CIITA: variants seen among roughly 807,000 people sequenced by gnomAD.
CIITA encodes the protein class II major histocompatibility complex transactivator.
In CIITA, 72 loss-of-function variants were observed where a neutral mutation model predicts 115.1. The observed-to-expected ratio is 0.63, with a 90% confidence interval of 0.52 to 0.76. The LOEUF (loss-of-function observed/expected upper bound fraction) is 0.76. CIITA is among the 30% of genes least tolerant of loss of function. The pLI is 0.00. For synonymous variants in CIITA, 763 were observed against 635.6 expected (o/e 1.20, Z -3.02); for missense variants, 1,617 against 1,463.8 (o/e 1.10, Z -1.71).
At chr16:10,877,991 G>C (rs912511447) in intron 1 of CIITA, among the ~76,000 whole-genome samples, 1 of 152,200 alleles carries the variant, frequency 6.6e-6, no homozygotes, top group South Asian at 2.1e-4. Flanking sequence ...TGGCTGGGAA[G>C]GGTGTGCCCC....
Position 10,906,954 on chromosome 16 carries a change from T to C in CIITA, c.1462T>C (p.Leu488=). ...VAADEVFSHI[L]KRPDRVLLIL... ...GGCCGATGAGGTTTTCAGCCACATC[T>C]TGAAGAGACCTGACCGCGTTCTGCT... The change falls in exon 11 of 20, where the codon TTG becomes CTG. Residue 488 remains leucine (L), a synonymous_variant. Coordinates refer to ENST00000324288, the MANE Select transcript of CIITA (RefSeq NM_000246.4). 6.2e-7 allele frequency: 1 copy of C among 1,612,890 alleles called. No homozygotes were observed. The highest frequency in any genetic ancestry group is 8.5e-7 in the Non-Finnish European group (1 of 1,179,926).
intron 5 of CIITA, 70 bp downstream of exon 5, chr16:10,899,072 G>A (rs1000992969): frequency 1.3e-6 from 2 of 1,481,836 alleles, no homozygotes; most frequent in Non-Finnish European, 1.9e-6. Flanking sequence ...TCCAAAGCCT[G>A]CTGTGGGTCC....
upstream of CIITA, among the ~76,000 whole-genome samples, chr16:10,872,786 G>C (rs2035575723): frequency 6.6e-6 from 1 of 152,106 alleles, no homozygotes; most frequent in African/African-American, 2.4e-5. Context: ...TTTAGCACCT[G>C]CTAGAAATTA....
rs1037813429 is a variant in CIITA, at chr16:10,879,718, T to C, written c.52+2336T>C. On this transcript the variant is annotated intron_variant, in intron 1 of 19. Transcript: ENST00000324288. This position sits in a 1 kb window ranked among gnomAD's most constrained non-coding sequence, Gnocchi z 4.3. Reference sequence around the variant, plus strand: ...CGCTTTGGGGCCCTGAGTCACACCCTCTAAGGAGAGAGGCTAAAGCGCCCC... The same window carrying C: ...CGCTTTGGGGCCCTGAGTCACACCCCCTAAGGAGAGAGGCTAAAGCGCCCC... 1.3e-5 allele frequency among the ~76,000 whole-genome samples: 2 copies of C among 152,146 alleles called. No homozygotes were observed. Among genetic ancestry groups the C allele is most frequent in the Admixed American group, 6.5e-5 (1 of 15,286 alleles).
rs537418260 is a variant in CIITA, at chr16:10,879,964, G to C, written c.52+2582G>C. Among the ~76,000 whole-genome samples the C allele has an allele frequency of 6.6e-6, 1 of 152,318 alleles. No individual in the cohort carries two copies. Among genetic ancestry groups the C allele is most frequent in the East Asian group, 1.9e-4 (1 of 5,180 alleles). On this transcript the variant is annotated intron_variant, in intron 1 of 19. Transcript: ENST00000324288. This position sits in a 1 kb window ranked among gnomAD's most constrained non-coding sequence, Gnocchi z 4.3. ...GCTCCCTCCCCAGCCGCAGCCTGGA[G>C]TGTCTAACTTTGGCAGGAAGTCTTC... is the stretch of plus-strand genomic sequence containing the variant.
chr16:10,912,393 T>C (rs6498128), intron 13 of CIITA, among the ~76,000 whole-genome samples: 150,593 of 152,346 alleles, frequency 0.99, 74,455 homozygotes, highest in East Asian at 1. Context: ...GGATTACAGG[T>C]GTAAGCCACC....
At chr16:10,918,340 G>C in intron 15 of CIITA, 100 bp from the exon 16 acceptor site, 2 of 1,061,900 alleles carry the variant, frequency 1.9e-6, no homozygotes, top group Non-Finnish European at 3.0e-6. Context: ...TAAGTCTGTC[G>C]ACAGCGCCAT....
intron 8 of CIITA, among the ~76,000 whole-genome samples, chr16:10,903,390 A>G (rs1290908798): frequency 2.0e-5 from 3 of 152,206 alleles, no homozygotes; most frequent in Admixed American, 6.5e-5. Flanking sequence ...CAGTTTCAGT[A>G]TAACGCACTG....
rs556369319 is a variant in CIITA at position 10,903,805 on chromosome 16, C to A, written c.847C>A (p.Arg283=). The A allele has an allele frequency of 2.5e-6, 4 of 1,614,206 alleles. No individual in the cohort carries two copies. The highest frequency in any genetic ancestry group is 1.3e-5 in the African/African-American group (1 of 75,034). Residue 283 remains arginine, a synonymous_variant, in exon 9 of 20, where the codon CGG becomes AGG. Coordinates refer to ENST00000324288, the MANE Select transcript of CIITA (RefSeq NM_000246.4). ...TVHGLPTSPD[R]PGSTSPFAPS... ...CCACGGCCTCCCAACATCTCCAGAC[C>A]GGCCAGGCTCCACCAGCCCCTTCGC...
rs1381528433 is a variant in CIITA, at chr16:10,895,443, C to T, written c.199+15C>T. On this transcript the variant is annotated intron_variant, in intron 2 of 19. Transcript: ENST00000324288. Reference sequence around the variant, plus strand: ...GCTCTACTCAGGTGGGCCCTCCTCCCTCTGGTCTCTTCCGGTATCCCCCAC... The same window carrying T: ...GCTCTACTCAGGTGGGCCCTCCTCCTTCTGGTCTCTTCCGGTATCCCCCAC... 1.2e-6 allele frequency: 2 copies of T among 1,612,760 alleles called. No homozygotes were observed. The highest frequency in any genetic ancestry group is 1.7e-6 in the Non-Finnish European group (2 of 1,179,972).
chr16:10,906,352 C>G lies in CIITA; in HGVS notation c.1007-147C>G, dbSNP rs907305048. 4 of 1,025,976 alleles carry G rather than the reference C, an allele frequency of 3.9e-6. No individual in the cohort carries two copies. The East Asian group carries it at 1.0e-4, about 27-fold the overall frequency. 63.6% of individuals were successfully genotyped at this position (1,025,976 alleles called of 1,614,324 possible). On this transcript the variant is annotated intron_variant, in intron 10 of 19. Coordinates refer to ENST00000324288, the MANE Select transcript of CIITA (RefSeq NM_000246.4). ...TCCAGCCTGGGCAAAAAAGCCAGAC[C>G]CTGTCTCAAAACAAAACAAAACAAA...
chr16:10,924,212 C>T lies in CIITA; in HGVS notation c.*357C>T, dbSNP rs2040430521. ...GCAGCCCCATTCTGCCTGCCCAGGC[C>T]CCTGCCACCCTGGGGAGAAAGTACT... On this transcript the variant is annotated 3_prime_UTR_variant, in exon 20 of 20. Coordinates refer to ENST00000324288, the MANE Select transcript of CIITA (RefSeq NM_000246.4). 1 of 152,412 alleles carries T rather than the reference C, an allele frequency of 6.6e-6. No homozygotes were observed. Among genetic ancestry groups the T allele is most frequent in the South Asian group, 2.1e-4 (1 of 4,832 alleles). The allele number at this position is 152,412 out of a possible 1,614,324, so 9.4% of individuals were successfully genotyped here.
At position 10,929,326 on chromosome 16, in the gene CIITA, A is replaced by C; in HGVS notation, c.*5471A>C. On this transcript the variant is annotated 3_prime_UTR_variant, in exon 20 of 20. Transcript: ENST00000324288. The surrounding 1 kb of genome is among the most constrained non-coding windows in gnomAD (Gnocchi z 4.3). The stretch of plus-strand genomic sequence containing the variant: ...CTCCGGGATGAAGTGCAGGGAGGCA[A>C]ACTCTGGCTGGGTTCCTGTAAACAT... The C allele has an allele frequency of 1.0e-6, 1 of 985,930 alleles. No individual in the cohort carries two copies. The highest frequency in any genetic ancestry group is 1.2e-6 in the Non-Finnish European group (1 of 829,966). The allele number at this position is 985,930 out of a possible 1,614,324, so 61.1% of individuals were successfully genotyped here.
At chr16:10,876,907 G>A (rs1277068119), upstream of CIITA, among the ~76,000 whole-genome samples, 1 of 152,218 alleles carries the variant, frequency 6.6e-6, no homozygotes, top group Non-Finnish European at 1.5e-5. Context: ...TTGGCAGCTG[G>A]CACCAGTGCG....
In CIITA at chr16:10,907,009, C is replaced by T. The variant is rs200354120; in HGVS notation, c.1517C>T (p.Ala506Val). The change falls in exon 11 of 20, where the codon GCG becomes GTG. Residue 506 changes from alanine to valine, a missense_variant. Transcript: ENST00000324288. The surrounding 1 kb of genome is among the most constrained non-coding windows in gnomAD (Gnocchi z 5.0). The part of the protein sequence containing the change: ...LILDGFEELE[A>V]QDGFLHSTCG... Reference sequence around the variant, plus strand: ...CTAGACGGCTTCGAGGAGCTGGAAGCGCAAGATGGCTTCCTGCACAGCACG... The same window carrying T: ...CTAGACGGCTTCGAGGAGCTGGAAGTGCAAGATGGCTTCCTGCACAGCACG... The T allele has an allele frequency of 1.7e-5, 28 of 1,609,458 alleles. No individual in the cohort carries two copies. The highest frequency in any genetic ancestry group is 4.5e-5 in the East Asian group (2 of 44,848).
In CIITA at chr16:10,890,443, C is replaced by T. The variant is rs375594529; in HGVS notation, c.53-4839C>T. ...CTGGTTCTACAGATGCACATCACCACGCCCAGCTAAGTTTTGTGTTATTTG... is the reference window on the plus strand; with the variant it reads ...CTGGTTCTACAGATGCACATCACCATGCCCAGCTAAGTTTTGTGTTATTTG... On this transcript the variant is annotated intron_variant, in intron 1 of 19. Transcript: ENST00000324288. Among the ~76,000 whole-genome samples, 7 of 152,244 alleles carry T rather than the reference C, an allele frequency of 4.6e-5. No individual in the cohort carries two copies. In the South Asian group the frequency reaches 8.3e-4, roughly 18 times the overall value.
Position 10,916,395 on chromosome 16 carries a change from G to A in CIITA, c.2998G>A (p.Gly1000Arg), listed in dbSNP as rs760933605. Reference sequence around the variant, plus strand: ...GGATGCGCTGAGTGAGAACAAGATCGGGGACGAGGGTGTCTCGCAGCTCTC... The same window carrying A: ...GGATGCGCTGAGTGAGAACAAGATCAGGGACGAGGGTGTCTCGCAGCTCTC... ...DLDALSENKI[G>R]DEGVSQLSAT... Residue 1000 changes from glycine (G) to arginine (R), a missense_variant, in exon 15 of 20, where the codon GGG becomes AGG. Gly to Arg is a moderately radical substitution (Grantham distance 125, BLOSUM62 -2). Transcript: ENST00000324288. The A allele has an allele frequency of 1.2e-5, 20 of 1,613,728 alleles. No homozygotes were observed. Among genetic ancestry groups the A allele is most frequent in the Non-Finnish European group, 1.5e-5 (18 of 1,179,900 alleles).
rs1360693007 is a variant in CIITA at position 10,901,260 on chromosome 16, G to T, written c.437-254G>T. 1.3e-5 allele frequency among the ~76,000 whole-genome samples: 2 copies of T among 152,084 alleles called. No homozygotes were observed. Among genetic ancestry groups the T allele is most frequent in the East Asian group, 3.8e-4 (2 of 5,200 alleles). ...TTGTTTTGTTTTGTTTTGTTTTTTG[G>T]CTCAAACCCATGTTGTGTCCCCATT... On this transcript the variant is annotated intron_variant, in intron 5 of 19. Coordinates refer to ENST00000324288, the MANE Select transcript of CIITA (RefSeq NM_000246.4). The surrounding 1 kb of genome is among the most constrained non-coding windows in gnomAD (Gnocchi z 6.8).
At position 10,907,844 on chromosome 16, in the gene CIITA, G is replaced by A; in HGVS notation, c.2352G>A (p.Arg784=). 1 of 1,613,238 alleles carries A rather than the reference G, an allele frequency of 6.2e-7. No homozygotes were observed. Among genetic ancestry groups the A allele is most frequent in the East Asian group, 2.2e-5 (1 of 44,864 alleles). ...CATCGGCGGCTGCCTCGGTGGACAG[G>A]AAGCAGAAGGTGCTTGCGAGGTACC... ...LGPSAAASVD[R]KQKVLARYLK... The change falls in exon 11 of 20, where the codon AGG becomes AGA. Residue 784 remains arginine, a synonymous_variant. Coordinates refer to ENST00000324288, the MANE Select transcript of CIITA (RefSeq NM_000246.4). This position sits in a 1 kb window ranked among gnomAD's most constrained non-coding sequence, Gnocchi z 5.0.
Sources: gnomAD v4.1 joint callset for allele counts (sites outside exome capture counted in the v4.1 genomes callset) on GRCh38, gnomAD v4.1.1 for gene constraint, Gnocchi (gnomAD v3.1) non-coding constraint, MANE v1.5 for transcripts, NCBI Gene and HGNC (gene_info 2026-07-23, HGNC 2026-07-21) for gene names.